The following RALYL variants were observed in gnomAD, a reference collection of about 807,000 sequenced individuals.
The protein encoded by RALYL is RNA-binding Raly-like protein.
A neutral mutation model predicts 35.1 loss-of-function variants in RALYL; 29 were observed. That is an observed-to-expected ratio of 0.83 (90% CI 0.61 to 1.13). The LOEUF (loss-of-function observed/expected upper bound fraction) is 1.13. Ranked by LOEUF, RALYL falls within the 50% of genes most tolerant of loss-of-function variation. RALYL has a pLI of 0.00. For missense variants in RALYL, 359 were observed against 360.4 expected, an observed-to-expected ratio of 1.00 and a Z score of 0.03; for synonymous variants, 120 against 127.6, an observed-to-expected ratio of 0.94 and a Z score of 0.40.
chr8:84,390,059 G>A (rs1860263958), intron 1 of RALYL, among the ~76,000 whole-genome samples: 1 of 152,120 alleles, frequency 6.6e-6, no homozygotes, highest in Non-Finnish European at 1.5e-5. Flanking sequence ...ATGAAGGGCT[G>A]TTGAATTTTG....
Position 84,322,018 on chromosome 8 carries a change from T to C in RALYL, c.-24+137594T>C, listed in dbSNP as rs368855055. On this transcript the variant is annotated intron_variant, in intron 1 of 8. Coordinates refer to ENST00000521268, the MANE Select transcript of RALYL (RefSeq NM_173848.7). ...GTACCTAACAACAGATATCAAAATA[T>C]GTGACAAAAAACCTGATAGAACTGA... Among the ~76,000 whole-genome samples, 5 of 151,944 alleles carry C rather than the reference T, an allele frequency of 3.3e-5. No homozygotes were observed. The East Asian group carries it at 9.7e-4, about 29-fold the overall frequency.
chr8:84,610,708 A>G (rs1288440335), intron 2 of RALYL, among the ~76,000 whole-genome samples: 1 of 152,008 alleles, frequency 6.6e-6, no homozygotes, highest in Non-Finnish European at 1.5e-5. Flanking sequence ...AGTTTATTAA[A>G]CCACTTGTTT....
intron 2 of RALYL, among the ~76,000 whole-genome samples, chr8:84,704,147 G>A (rs1325603288): frequency 2.0e-5 from 3 of 152,064 alleles, no homozygotes; most frequent in East Asian, 1.9e-4. Flanking sequence ...ATTCATGGCC[G>A]GGCATGGTGG....
At chr8:84,238,740 C>T (rs1435652451) in intron 1 of RALYL, among the ~76,000 whole-genome samples, 3 of 152,052 alleles carry the variant, frequency 2.0e-5, no homozygotes, top group African/African-American at 7.2e-5. Context: ...AATTTTAGAG[C>T]TTCTTCCATC....
chr8:84,762,429 T>C (rs528483861), intron 2 of RALYL, among the ~76,000 whole-genome samples: 1 of 152,342 alleles, frequency 6.6e-6, no homozygotes, highest in South Asian at 2.1e-4. Context: ...TGCTTCCTTA[T>C]AGAATTCTTA....
At chr8:84,396,604 A>G (rs993247293) in intron 1 of RALYL, among the ~76,000 whole-genome samples, 3 of 152,164 alleles carry the variant, frequency 2.0e-5, no homozygotes, top group Non-Finnish European at 4.4e-5. Context: ...ATTGTTAATT[A>G]TAGTTAATTA....
chr8:84,802,962 G>A (rs1586389926), intron 3 of RALYL, among the ~76,000 whole-genome samples: 1 of 152,108 alleles, frequency 6.6e-6, no homozygotes, highest in Admixed American at 6.5e-5. Flanking sequence ...ATGAGACATG[G>A]AGGCTGAAAA....
intron 2 of RALYL, among the ~76,000 whole-genome samples, chr8:84,659,275 G>A (rs1157250377): frequency 1.3e-5 from 2 of 152,098 alleles, no homozygotes; most frequent in East Asian, 3.9e-4. Context: ...GTGGAACTGT[G>A]ATGTGGCATC....
chr8:84,864,007 TC>T (rs1333586793), intron 6 of RALYL, among the ~76,000 whole-genome samples: 1 of 152,212 alleles, frequency 6.6e-6, no homozygotes, highest in African/African-American at 2.4e-5. Context: ...ATGACTTATT[TC>T]TTACATTGGA....
intron 2 of RALYL, among the ~76,000 whole-genome samples, chr8:84,704,608 G>T (rs1386700545): frequency 6.6e-6 from 1 of 152,032 alleles, no homozygotes; most frequent in African/African-American, 2.4e-5. Flanking sequence ...TGTTCTAATA[G>T]GAAGAGAAAG....
intron 1 of RALYL, among the ~76,000 whole-genome samples, chr8:84,253,364 ATTTT>A (rs535716220): frequency 3.0e-5 from 3 of 99,564 alleles, no homozygotes; most frequent in African/African-American, 3.8e-5. Flanking sequence ...TAATTTTTGT[ATTTT>A]TTTTTTTTTT....
chr8:84,431,405 A>G (rs1485831476), intron 1 of RALYL, among the ~76,000 whole-genome samples: 1 of 152,112 alleles, frequency 6.6e-6, no homozygotes, highest in African/African-American at 2.4e-5. Flanking sequence ...ATTGCTCAAT[A>G]TCACTATGAG....
chr8:84,765,300 A>C (rs1042987134), intron 2 of RALYL, among the ~76,000 whole-genome samples: 1 of 152,122 alleles, frequency 6.6e-6, no homozygotes, highest in African/African-American at 2.4e-5. Context: ...TATGAAGAAC[A>C]AGGAGAGGTA....
chr8:84,549,315 CAG>C (rs1450417858), intron 2 of RALYL, among the ~76,000 whole-genome samples: 2 of 152,166 alleles, frequency 1.3e-5, no homozygotes, highest in African/African-American at 4.8e-5. Context: ...AGAAACAAAA[CAG>C]AGGAAAACAA....
intron 1 of RALYL, among the ~76,000 whole-genome samples, chr8:84,493,137 A>C (rs893828547): frequency 4.6e-5 from 7 of 151,980 alleles, no homozygotes; most frequent in Non-Finnish European, 7.4e-5. Flanking sequence ...CTCATTGTTT[A>C]ACTCCCATTT....
At chr8:84,447,795 A>T (rs752515957) in intron 1 of RALYL, among the ~76,000 whole-genome samples, 62 of 152,084 alleles carry the variant, frequency 4.1e-4, no homozygotes, top group Admixed American at 2.6e-3. Context: ...TAGTGTGAAT[A>T]GTCAGAGCTG....
intron 2 of RALYL, among the ~76,000 whole-genome samples, chr8:84,698,584 A>C (rs1839595931): frequency 6.6e-6 from 1 of 152,124 alleles, no homozygotes; most frequent in African/African-American, 2.4e-5. Context: ...ATAAAGTAGA[A>C]ATACAATGAA....
At chr8:84,278,070 C>A (rs938936648) in intron 1 of RALYL, among the ~76,000 whole-genome samples, 3 of 152,264 alleles carry the variant, frequency 2.0e-5, no homozygotes, top group African/African-American at 4.8e-5. Context: ...ACGGCCCTAG[C>A]AGAGGTTCTC....
chr8:84,538,678 T>C (rs1270860683), intron 2 of RALYL, among the ~76,000 whole-genome samples: 1 of 152,088 alleles, frequency 6.6e-6, no homozygotes, highest in East Asian at 1.9e-4. Flanking sequence ...TAAGATAACA[T>C]GCAGATGAAG....
Sources: allele counts gnomAD v4.1 joint callset (sites outside exome capture counted in the v4.1 genomes callset), GRCh38; gene constraint gnomAD v4.1.1; transcripts MANE v1.5; gene names NCBI Gene and HGNC (gene_info 2026-07-23, HGNC 2026-07-21).